Variants in CHST11 observed in about 807,000 individuals in gnomAD.
The protein encoded by CHST11 is C4S-1.
Under a neutral mutation model 30.4 loss-of-function variants are expected in CHST11, and 9 were observed. The observed-to-expected ratio is 0.30, with a 90% CI of 0.18 to 0.52. The LOEUF (loss-of-function observed/expected upper bound fraction) is 0.52. CHST11 is among the 20% of genes least tolerant of loss of function. CHST11 has a pLI of 0.97. For synonymous variants in CHST11, 152 were observed against 187.8 expected, an observed-to-expected ratio of 0.81 and a Z score of 1.56; for missense variants, 348 against 460.6, an observed-to-expected ratio of 0.76 and a Z score of 2.24.
chr12:104,616,478 T>A (rs1337072806), intron 2 of CHST11, among the ~76,000 whole-genome samples: 2 of 151,910 alleles, frequency 1.3e-5, no homozygotes, highest in Non-Finnish European at 2.9e-5. Flanking sequence ...TTTTTTTTTT[T>A]TTTTTGAGAC....
At chr12:104,536,831 A>G (rs2038241379) in intron 1 of CHST11, among the ~76,000 whole-genome samples, 1 of 152,164 alleles carries the variant, frequency 6.6e-6, no homozygotes, top group Admixed American at 6.5e-5. Context: ...CTCCCTGTCC[A>G]GTTCATCTTT....
rs1488624788 is a variant in CHST11, at chr12:104,759,964, A to G, written c.*2161A>G. On this transcript the variant is annotated 3_prime_UTR_variant, in exon 3 of 3. Transcript: ENST00000303694. ...CTACAGAACACAGGTTCCAGGAGGC[A>G]TCAGGTTGGTGTGATGCAGACTAAG... The G allele has an allele frequency of 6.6e-6, 1 of 152,240 alleles. No homozygotes were observed. Among genetic ancestry groups the G allele is most frequent in the African/African-American group, 2.4e-5 (1 of 41,468 alleles). The allele number at this position is 152,240 out of a possible 1,614,324, so 9.4% of individuals were successfully genotyped here. A position where few individuals can be genotyped will look rare whatever the true frequency, so the allele number is the denominator to read the frequency against.
rs199741884 is a variant in CHST11 at position 104,544,769 on chromosome 12, T to TCCCCCCCCCCCC, written c.119-57131_119-57130insCCCCCCCCCCCC. On this transcript the variant is annotated intron_variant, in intron 1 of 2. Transcript: ENST00000303694. ...CAATGATGTGCCCTGGGGGTCACAG[T>TCCCCCCCCCCCC]CCCCCCACCCCGGAGATAATGGATT... is the stretch of plus-strand genomic sequence containing the variant. Among the ~76,000 whole-genome samples, 92 of 51,232 alleles carry TCCCCCCCCCCCC rather than the reference T, an allele frequency of 1.8e-3. 4 individuals carry two copies. In the East Asian group the frequency reaches 0.03, roughly 17 times the overall value. 33.6% of individuals were successfully genotyped at this position (51,232 alleles called of 152,430 possible).
chr12:104,492,410 TC>T (rs2037756095), intron 1 of CHST11, among the ~76,000 whole-genome samples: 1 of 152,208 alleles, frequency 6.6e-6, no homozygotes, highest in Admixed American at 6.5e-5. Flanking sequence ...TTAGCTTCTT[TC>T]TTCTTTTTCC....
chr12:104,536,848 C>G (rs1481088923), intron 1 of CHST11, among the ~76,000 whole-genome samples: 1 of 152,162 alleles, frequency 6.6e-6, no homozygotes, highest in African/African-American at 2.4e-5. Flanking sequence ...CTTTCTATTC[C>G]TCCAGGCCGG....
chr12:104,652,979 C>CT (rs912962497), intron 2 of CHST11, among the ~76,000 whole-genome samples: 3 of 151,590 alleles, frequency 2.0e-5, no homozygotes, highest in Non-Finnish European at 2.9e-5. Context: ...AGGCAGTGAG[C>CT]TTTTTTTTTA....
chr12:104,602,480 C>T (rs1416237118), intron 2 of CHST11, among the ~76,000 whole-genome samples: 3 of 152,154 alleles, frequency 2.0e-5, no homozygotes, highest in East Asian at 3.9e-4. Flanking sequence ...AAATCTAACT[C>T]GTTAGTTTAA....
chr12:104,659,793 C>G (rs1358114948), intron 2 of CHST11, among the ~76,000 whole-genome samples: 2 of 150,908 alleles, frequency 1.3e-5, no homozygotes, highest in Non-Finnish European at 3.0e-5. Context: ...TAGTGAGACC[C>G]CCCCCCGCCC....
chr12:104,590,126 G>A (rs2038843832), intron 1 of CHST11, among the ~76,000 whole-genome samples: 1 of 152,160 alleles, frequency 6.6e-6, no homozygotes, highest in Admixed American at 6.5e-5. Context: ...CCCTGGCCTC[G>A]TTGGCCCCAT....
chr12:104,681,535 C>T (rs546875184), intron 2 of CHST11, among the ~76,000 whole-genome samples: 9 of 152,226 alleles, frequency 5.9e-5, no homozygotes, highest in African/African-American at 1.4e-4. Context: ...ACCACTAAAT[C>T]GTGCATTTTA....
At chr12:104,652,531 T>C (rs960957198) in intron 2 of CHST11, among the ~76,000 whole-genome samples, 2 of 152,218 alleles carry the variant, frequency 1.3e-5, no homozygotes, top group Non-Finnish European at 2.9e-5. Flanking sequence ...CTGGACTGCC[T>C]CTGGAGAACA....
At chr12:104,567,266 T>C (rs1450435971) in intron 1 of CHST11, among the ~76,000 whole-genome samples, 1 of 152,206 alleles carries the variant, frequency 6.6e-6, no homozygotes, top group Non-Finnish European at 1.5e-5. Flanking sequence ...GGAGGATGAC[T>C]GACAAGTTGG....
chr12:104,487,859 A>AT (rs1023278417), intron 1 of CHST11, among the ~76,000 whole-genome samples: 33 of 137,916 alleles, frequency 2.4e-4, no homozygotes, highest in Admixed American at 4.3e-4. Context: ...TTTTTTCTCT[A>AT]TTTTTTTTTC....
At chr12:104,475,544 A>G (rs1449732437) in intron 1 of CHST11, among the ~76,000 whole-genome samples, 2 of 151,020 alleles carry the variant, frequency 1.3e-5, no homozygotes, top group African/African-American at 4.9e-5. Flanking sequence ...CCCTATCTTA[A>G]TAGAGCTCAC....
intron 2 of CHST11, among the ~76,000 whole-genome samples, chr12:104,681,433 G>A (rs1566035848): frequency 6.6e-6 from 1 of 152,212 alleles, no homozygotes; most frequent in Non-Finnish European, 1.5e-5. Context: ...ATAGGGCTTA[G>A]AAAGGGCATA....
At chr12:104,508,074 C>T (rs1011356684) in intron 1 of CHST11, among the ~76,000 whole-genome samples, 11 of 152,194 alleles carry the variant, frequency 7.2e-5, no homozygotes, top group Admixed American at 2.6e-4. Flanking sequence ...CACTGGTCTC[C>T]TCGACCTTGA....
chr12:104,605,036 CAG>C (rs10604627), intron 2 of CHST11, among the ~76,000 whole-genome samples: 40,108 of 150,466 alleles, frequency 0.27, 6,278 homozygotes, highest in East Asian at 0.48. Flanking sequence ...TAGTAATAAA[CAG>C]AGTGAAATTC....
intron 2 of CHST11, among the ~76,000 whole-genome samples, chr12:104,708,651 C>T (rs752756986): frequency 6.6e-6 from 1 of 152,150 alleles, no homozygotes; most frequent in South Asian, 2.1e-4. Flanking sequence ...CCGTCCTCAC[C>T]ATCTCTGGGG....
At chr12:104,687,295 G>T (rs1243030026) in intron 2 of CHST11, among the ~76,000 whole-genome samples, 1 of 152,208 alleles carries the variant, frequency 6.6e-6, no homozygotes, top group Non-Finnish European at 1.5e-5. Context: ...GACTGAATTC[G>T]TAAAAGCACC....
Sources: gnomAD v4.1 joint callset for allele counts (sites outside exome capture counted in the v4.1 genomes callset) on GRCh38, gnomAD v4.1.1 for gene constraint, MANE v1.5 for transcripts, NCBI Gene and HGNC (gene_info 2026-07-23, HGNC 2026-07-21) for gene names.